PLEKHB1: variants seen among roughly 807,000 people sequenced by gnomAD.
PLEKHB1 encodes pleckstrin homology domain containing B1, also known as pleckstrin homology domain-containing family B member 1.
In PLEKHB1, 29 loss-of-function variants were observed where a neutral mutation model predicts 36.2. The ratio of observed to expected loss-of-function variants is 0.80; its 90% CI spans 0.60 to 1.09. The LOEUF (loss-of-function observed/expected upper bound fraction) is 1.09, where lower values mean the gene tolerates loss of function less well. PLEKHB1 is among the 50% of genes least tolerant of loss of function. The pLI, the probability that PLEKHB1 is intolerant of heterozygous loss-of-function variation, is 0.00. For synonymous variants in PLEKHB1, 138 were observed against 140.0 expected, an observed-to-expected ratio of 0.99 and a Z score of 0.10; for missense variants, 330 against 348.2, an observed-to-expected ratio of 0.95 and a Z score of 0.42.
At position 73,649,084 on chromosome 11, in the gene PLEKHB1, CAGAG is replaced by C. The variant is rs1944831087; in HGVS notation, c.92_94+1del. The C allele has an allele frequency of 1.4e-5, 23 of 1,595,640 alleles. No individual in the cohort carries two copies. Among genetic ancestry groups the C allele is most frequent in the Non-Finnish European group, 2.0e-5 (23 of 1,171,084 alleles). ...GGTGAGGGGCGGCTGGCTGTGGAGA[CAGAG>C]TGAGTGATCCTGGGCCCCTGGTCCT... is the stretch of plus-strand genomic sequence containing the variant. On this transcript the variant is annotated splice_donor_variant and coding_sequence_variant, in exon 2 of 8. Coordinates refer to ENST00000354190, the MANE Select transcript of PLEKHB1 (RefSeq NM_021200.3). LOFTEE classifies it high-confidence loss of function.
chr11:73,651,952 C>T lies in PLEKHB1; in HGVS notation c.350+62C>T, dbSNP rs610280. On this transcript the variant is annotated intron_variant, in intron 4 of 7. Transcript: ENST00000354190. Reference sequence around the variant, plus strand: ...GGGGAAAGTTACCATGTGCCCCCTTCTCATTGGGCCTTCTGGTTCTCTGAC... The same window carrying T: ...GGGGAAAGTTACCATGTGCCCCCTTTTCATTGGGCCTTCTGGTTCTCTGAC... 0.01 allele frequency: 14,657 copies of T among 1,414,622 alleles called. 1,093 individuals carry two copies. The African/African-American group carries it at 0.17, about 16-fold the overall frequency. 87.6% of individuals were successfully genotyped at this position (1,414,622 alleles called of 1,614,324 possible).
chr11:73,659,614 G>A (rs1416986214), intron 6 of PLEKHB1, among the ~76,000 whole-genome samples: 1 of 150,544 alleles, frequency 6.6e-6, no homozygotes. Context: ...AGCAACAAGA[G>A]GCACAAGCAA....
In PLEKHB1 at chr11:73,653,102, A is replaced by G. The variant is rs904911323; in HGVS notation, c.390+88A>G. 11 of 1,354,210 alleles carry G rather than the reference A, an allele frequency of 8.1e-6. No homozygotes were observed. In the African/African-American group the frequency reaches 8.7e-5, roughly 11 times the overall value. The allele number at this position is 1,354,210 out of a possible 1,614,324, so 83.9% of individuals were successfully genotyped here. On this transcript the variant is annotated intron_variant, in intron 5 of 7. Transcript: ENST00000354190. Reference sequence around the variant, plus strand: ...CTCAGACTCGGTCTCCACCTGCCAGAAGTTCTCAGTCTTATGTGGATAGGT... The same window carrying G: ...CTCAGACTCGGTCTCCACCTGCCAGGAGTTCTCAGTCTTATGTGGATAGGT...
chr11:73,646,678 C>T, intron 1 of PLEKHB1, 52 bp downstream of exon 1: 1 of 1,543,778 alleles, frequency 6.5e-7, no homozygotes, highest in Non-Finnish European at 8.8e-7. Flanking sequence ...AGGGTGGGCA[C>T]CCTTGCCACA....
At position 73,651,815 on chromosome 11, in the gene PLEKHB1, G is replaced by A. The variant is rs779693667; in HGVS notation, c.275G>A (p.Arg92Gln). 1.2e-4 allele frequency: 190 copies of A among 1,613,544 alleles called. 1 individual carries two copies. Among genetic ancestry groups the A allele is most frequent in the Admixed American group, 7.0e-4 (42 of 60,004 alleles). The change falls in exon 4 of 8, where the codon CGA (arginine) becomes CAA (glutamine). Residue 92 changes from arginine to glutamine, a missense_variant. Coordinates refer to ENST00000354190, the MANE Select transcript of PLEKHB1 (RefSeq NM_021200.3). ...HDVQPPEGRS[R>Q]DGLLTVNLRE... is the part of the protein sequence containing the mutation. ...GTGCAGCCCCCAGAGGGCCGGAGCC[G>A]AGATGGCCTGCTGACTGTGAACCTA...
At chr11:73,648,294 A>G (rs1055205028) in intron 1 of PLEKHB1, 8 of 152,994 alleles carry the variant, frequency 5.2e-5, no homozygotes, top group African/African-American at 1.9e-4. Context: ...TCTGGGCTCC[A>G]TTGCTTACTA....
At chr11:73,649,745 C>T (rs1014972655) in intron 2 of PLEKHB1, among the ~76,000 whole-genome samples, 1 of 152,152 alleles carries the variant, frequency 6.6e-6, no homozygotes, top group Admixed American at 6.5e-5. Flanking sequence ...ACCCCTGGGA[C>T]AAGCAGCCCC....
At chr11:73,660,938 A>T in intron 7 of PLEKHB1, 86 bp downstream of exon 7, 2 of 1,234,754 alleles carry the variant, frequency 1.6e-6, no homozygotes, top group Non-Finnish European at 2.3e-6. Flanking sequence ...AGTCCGGACC[A>T]GGCTTCATCC....
chr11:73,659,697 C>T (rs1310383049), intron 6 of PLEKHB1, among the ~76,000 whole-genome samples: 1 of 152,070 alleles, frequency 6.6e-6, no homozygotes, highest in East Asian at 1.9e-4. Context: ...AGTGGGTGAC[C>T]GTTGAGCTAG....
intron 5 of PLEKHB1, among the ~76,000 whole-genome samples, chr11:73,654,317 GTA>G (rs1426149026): frequency 6.6e-6 from 1 of 152,216 alleles, no homozygotes; most frequent in Non-Finnish European, 1.5e-5. Context: ...CTCTTTCTCT[GTA>G]TGGCACAATG....
At chr11:73,646,714 G>A (rs1223501176) in intron 1 of PLEKHB1, 88 bp downstream of exon 1, 4 of 1,384,248 alleles carry the variant, frequency 2.9e-6, no homozygotes, top group Non-Finnish European at 4.0e-6. Context: ...AAGTCTTTTA[G>A]GCCCTGACAT....
chr11:73,655,800 C>G lies in PLEKHB1; in HGVS notation c.391-3C>G, dbSNP rs1000458325. 20 of 1,612,718 alleles carry G rather than the reference C, an allele frequency of 1.2e-5. No individual in the cohort carries two copies. Among genetic ancestry groups the G allele is most frequent in the Non-Finnish European group, 1.7e-5 (20 of 1,179,584 alleles). On this transcript the variant is annotated splice_region_variant and splice_polypyrimidine_tract_variant and intron_variant, in intron 5 of 7. Coordinates refer to ENST00000354190, the MANE Select transcript of PLEKHB1 (RefSeq NM_021200.3). ...CCTTCTTGGGTTTCTGTGGCTTGAG[C>G]AGGCCCCAGCTGGAGCCACCGTCCC...
At chr11:73,653,074 T>C in intron 5 of PLEKHB1, 60 bp downstream of exon 5, 1 of 1,528,036 alleles carries the variant, frequency 6.5e-7, no homozygotes, top group Non-Finnish European at 9.0e-7. Flanking sequence ...GAATCATGAG[T>C]GACTCAGACT....
At chr11:73,656,413 C>T (rs1944995149) in intron 6 of PLEKHB1, among the ~76,000 whole-genome samples, 1 of 152,200 alleles carries the variant, frequency 6.6e-6, no homozygotes, top group African/African-American at 2.4e-5. Flanking sequence ...GTAAATGGCA[C>T]ATGCTCAATT....
chr11:73,656,028 C>G, intron 6 of PLEKHB1, 121 bp downstream of exon 6: 1 of 798,714 alleles, frequency 1.3e-6, no homozygotes, highest in Non-Finnish European at 2.1e-6. Flanking sequence ...ACCCACAGGA[C>G]ACAAACCAGC....
intron 5 of PLEKHB1, among the ~76,000 whole-genome samples, chr11:73,655,081 G>C (rs1944965876): frequency 6.6e-6 from 1 of 152,202 alleles, no homozygotes; most frequent in Admixed American, 6.5e-5. Flanking sequence ...CCACCAAAGA[G>C]AGGCGGAGGG....
rs191490459 is a variant in PLEKHB1, at chr11:73,659,913, C to T, written c.496-840C>T. On this transcript the variant is annotated intron_variant, in intron 6 of 7. Transcript: ENST00000354190. ...CATAGTAGGTGCTCAATAATCGTTA[C>T]AGCCTAGTGCAGCCTAACAATTTTG... 2.2e-3 allele frequency among the ~76,000 whole-genome samples: 341 copies of T among 152,290 alleles called. 1 individual carries two copies. The highest frequency in any genetic ancestry group is 7.8e-3 in the African/African-American group (326 of 41,566).
At chr11:73,648,827 C>T in intron 1 of PLEKHB1, 185 bp from the exon 2 acceptor site, 1 of 1,361,062 alleles carries the variant, frequency 7.3e-7, no homozygotes, top group African/African-American at 1.5e-5. Flanking sequence ...CTGCTGACCC[C>T]ACAGTGACAG....
At chr11:73,651,353 CAAA>C (rs35147175) in intron 3 of PLEKHB1, 1,917 of 343,116 alleles carry the variant, frequency 5.6e-3, no homozygotes, top group Middle Eastern at 0.011. Context: ...GACCCTGTCT[CAAA>C]AAAAAAAAAA....
Sources: allele counts gnomAD v4.1 joint callset (sites outside exome capture counted in the v4.1 genomes callset), GRCh38; gene constraint gnomAD v4.1.1; transcripts MANE v1.5; gene names NCBI Gene and HGNC (gene_info 2026-07-23, HGNC 2026-07-21).